FLRT2: variants seen among roughly 807,000 people sequenced by gnomAD.
FLRT2 encodes fibronectin leucine rich transmembrane protein 2.
A neutral mutation model predicts 40.0 loss-of-function variants in FLRT2; 15 were observed. The ratio of observed to expected loss-of-function variants is 0.38; its 90% CI spans 0.25 to 0.58. FLRT2 has a LOEUF of 0.58. Among genes scored for constraint, FLRT2 ranks in the 20% least tolerant of loss-of-function variants. The pLI is 0.71. For missense variants in FLRT2, 726 were observed against 840.0 expected (o/e 0.86, Z 1.68); for synonymous variants, 380 against 336.8 (o/e 1.13, Z -1.41).
intron 1 of FLRT2, among the ~76,000 whole-genome samples, chr14:85,561,832 G>A (rs1171211537): frequency 6.6e-6 from 1 of 152,134 alleles, no homozygotes; most frequent in East Asian, 1.9e-4. Context: ...TCTTTAGATA[G>A]CCCCGGTCTT....
chr14:85,600,332 A>C (rs1464803638), intron 1 of FLRT2, among the ~76,000 whole-genome samples: 1 of 152,218 alleles, frequency 6.6e-6, no homozygotes, highest in African/African-American at 2.4e-5. Context: ...ATTTCTGATC[A>C]GAATGTTCTA....
chr14:85,558,610 C>T (rs1264586399), intron 1 of FLRT2, among the ~76,000 whole-genome samples: 1 of 152,108 alleles, frequency 6.6e-6, no homozygotes, highest in Non-Finnish European at 1.5e-5. Flanking sequence ...TTGTTTGAAG[C>T]TTTAATTACA....
At position 85,626,699 on chromosome 14, in the gene FLRT2, T is replaced by G. The variant is rs1300304824; in HGVS notation, c.*3202T>G. The G allele has an allele frequency of 6.0e-6, 1 of 167,102 alleles. No individual in the cohort carries two copies. Among genetic ancestry groups the G allele is most frequent in the Non-Finnish European group, 1.5e-5 (1 of 68,126 alleles). 10.4% of individuals were successfully genotyped at this position (167,102 alleles called of 1,614,324 possible). On this transcript the variant is annotated 3_prime_UTR_variant, in exon 2 of 2. Transcript: ENST00000330753. ...AGATACGAGGAATGTATCCCCTGCC[T>G]ATTTTCCTTGTGTAACAAATGGAAA... is the stretch of plus-strand genomic sequence containing the variant.
At chr14:85,602,990 A>C (rs1185508903) in intron 1 of FLRT2, among the ~76,000 whole-genome samples, 1 of 152,184 alleles carries the variant, frequency 6.6e-6, no homozygotes. Flanking sequence ...GGAATGTGAA[A>C]AGTATAAATG....
At chr14:85,619,466 T>G (rs1893288199) in intron 1 of FLRT2, among the ~76,000 whole-genome samples, 2 of 152,126 alleles carry the variant, frequency 1.3e-5, no homozygotes, top group Non-Finnish European at 1.5e-5. Context: ...ACCCACCTTA[T>G]ATTTCCGAAA....
At chr14:85,602,123 C>A (rs1595073310) in intron 1 of FLRT2, among the ~76,000 whole-genome samples, 2 of 152,236 alleles carry the variant, frequency 1.3e-5, no homozygotes, top group East Asian at 3.9e-4. Context: ...TATATAGTGA[C>A]TTATAAATGC....
At chr14:85,562,919 C>CT (rs1280005989) in intron 1 of FLRT2, 1 of 152,126 alleles carries the variant, frequency 6.6e-6, no homozygotes, top group Admixed American at 6.5e-5. Flanking sequence ...AGAGACATAG[C>CT]TTTCAAGTTC....
At chr14:85,577,910 T>A (rs977925381) in intron 1 of FLRT2, among the ~76,000 whole-genome samples, 3 of 151,582 alleles carry the variant, frequency 2.0e-5, no homozygotes, top group African/African-American at 7.3e-5. Context: ...TTTTTCACTG[T>A]CAATAGGACT....
At chr14:85,575,198 G>A (rs1217711170) in intron 1 of FLRT2, among the ~76,000 whole-genome samples, 2 of 152,184 alleles carry the variant, frequency 1.3e-5, no homozygotes, top group African/African-American at 2.4e-5. Flanking sequence ...GCCTGCAATG[G>A]GGGTTGTGAT....
Position 85,536,977 on chromosome 14 carries a change from C to T in FLRT2, c.-377+6443C>T, listed in dbSNP as rs552839026. ...GAATGTAAGTGAAATTTTATTGCTCCTAAGTGCTTACATAACAAGGGAAAC... is the reference window on the plus strand; with the variant it reads ...GAATGTAAGTGAAATTTTATTGCTCTTAAGTGCTTACATAACAAGGGAAAC... On this transcript the variant is annotated intron_variant, in intron 1 of 1. Transcript: ENST00000330753. Among the ~76,000 whole-genome samples, 20 of 152,240 alleles carry T rather than the reference C, an allele frequency of 1.3e-4. No homozygotes were observed. In the South Asian group the frequency reaches 3.7e-3, roughly 28 times the overall value.
intron 1 of FLRT2, among the ~76,000 whole-genome samples, chr14:85,620,922 G>A (rs1182710374): frequency 6.6e-6 from 1 of 152,188 alleles, no homozygotes; most frequent in Non-Finnish European, 1.5e-5. Context: ...GATAGTGACA[G>A]GTAATAGCAT....
At chr14:85,616,920 T>C (rs116532154) in intron 1 of FLRT2, among the ~76,000 whole-genome samples, 5 of 152,358 alleles carry the variant, frequency 3.3e-5, no homozygotes, top group African/African-American at 1.2e-4. Flanking sequence ...TGCTTTTTGA[T>C]GTCCATGGGA....
intron 1 of FLRT2, among the ~76,000 whole-genome samples, chr14:85,588,624 G>A (rs575914138): frequency 6.6e-6 from 1 of 152,170 alleles, no homozygotes; most frequent in East Asian, 1.9e-4. Context: ...AAACAACCCA[G>A]TTATACTCTT....
At chr14:85,592,077 A>G (rs1891911654) in intron 1 of FLRT2, among the ~76,000 whole-genome samples, 1 of 152,178 alleles carries the variant, frequency 6.6e-6, no homozygotes, top group African/African-American at 2.4e-5. Context: ...ACTTTTTTCC[A>G]TAGTTGCTGA....
At chr14:85,535,682 C>T (rs1438827316) in intron 1 of FLRT2, among the ~76,000 whole-genome samples, 1 of 147,504 alleles carries the variant, frequency 6.8e-6, no homozygotes, top group East Asian at 2.0e-4. Context: ...AGGGTTAAAC[C>T]ATTTAGGGAT....
intron 1 of FLRT2, among the ~76,000 whole-genome samples, chr14:85,535,691 A>AT (rs35875324): frequency 1.4e-4 from 21 of 152,014 alleles, no homozygotes; most frequent in East Asian, 5.8e-4. Flanking sequence ...CCATTTAGGG[A>AT]TTTTTTAATA....
intron 1 of FLRT2, among the ~76,000 whole-genome samples, chr14:85,580,295 G>A (rs1451104063): frequency 1.3e-5 from 2 of 152,236 alleles, no homozygotes; most frequent in South Asian, 4.2e-4. Context: ...GGTACTGTTG[G>A]TGTTGCAAGA....
At position 85,647,583 on chromosome 14, in the gene FLRT2, G is replaced by C. The variant is rs1374608057; in HGVS notation, c.*24086G>C. On this transcript the variant is annotated 3_prime_UTR_variant, in exon 2 of 2. Coordinates refer to ENST00000330753, the MANE Select transcript of FLRT2 (RefSeq NM_013231.6). The stretch of plus-strand genomic sequence containing the variant: ...TCTATGATTGCCACTGAATAATTTG[G>C]TCTTTCCATGCCTATAAGCAAAGAA... The C allele has an allele frequency of 6.6e-6, 1 of 152,150 alleles. No individual in the cohort carries two copies. 9.4% of individuals were successfully genotyped at this position (152,150 alleles called of 1,614,324 possible).
intron 1 of FLRT2, among the ~76,000 whole-genome samples, chr14:85,578,024 T>C (rs1001822567): frequency 2.0e-5 from 3 of 151,172 alleles, no homozygotes; most frequent in Non-Finnish European, 2.9e-5. Context: ...GGGCCCAATG[T>C]TTCTAATGTT....
Sources: allele counts gnomAD v4.1 joint callset (sites outside exome capture counted in the v4.1 genomes callset), GRCh38; gene constraint gnomAD v4.1.1; transcripts MANE v1.5; gene names NCBI Gene and HGNC (gene_info 2026-07-23, HGNC 2026-07-21).